The following MYOM1 variants were observed in gnomAD, a reference collection of about 807,000 sequenced individuals.
MYOM1 encodes the protein myomesin 1.
Under a neutral mutation model 205.3 loss-of-function variants are expected in MYOM1, and 164 were observed. The ratio of observed to expected loss-of-function variants is 0.80; its 90% CI spans 0.70 to 0.91. The LOEUF (loss-of-function observed/expected upper bound fraction) is 0.91. MYOM1 is among the 40% of genes least tolerant of loss of function. The pLI is 0.00. For missense variants in MYOM1, 2,011 were observed against 2,127.3 expected (o/e 0.95, Z 1.08); for synonymous variants, 772 against 789.4 (o/e 0.98, Z 0.37).
At chr18:3,086,283 G>A in intron 29 of MYOM1, 132 bp from the exon 30 acceptor site, 1 of 482,470 alleles carries the variant, frequency 2.1e-6, no homozygotes. Context: ...GATTTCTAAA[G>A]GAATGAATTG....
At chr18:3,125,336 C>T (rs1440010828) in intron 19 of MYOM1, among the ~76,000 whole-genome samples, 2 of 151,810 alleles carry the variant, frequency 1.3e-5, no homozygotes. Context: ...CAAAAATACC[C>T]AAATAGCAAT....
At chr18:3,201,121 G>A (rs551760592) in intron 2 of MYOM1, among the ~76,000 whole-genome samples, 31 of 152,260 alleles carry the variant, frequency 2.0e-4, no homozygotes, top group Admixed American at 3.3e-4. Flanking sequence ...ATATCTGGCC[G>A]GGCGCAGTGG....
intron 22 of MYOM1, among the ~76,000 whole-genome samples, chr18:3,104,276 G>A (rs1344201836): frequency 6.6e-6 from 1 of 152,200 alleles, no homozygotes; most frequent in African/African-American, 2.4e-5. Flanking sequence ...CAGAAAGAAT[G>A]TAAACAGAAA....
Position 3,116,504 on chromosome 18 carries a change from T to A in MYOM1, c.3130A>T (p.Ser1044Cys). The change falls in exon 21 of 38, where the codon AGT becomes TGT. Residue 1044 changes from serine (S) to cysteine (C), a missense_variant. Ser to Cys is a moderately radical substitution (Grantham distance 112, BLOSUM62 -1). Transcript: ENST00000356443. Reference sequence around the variant, plus strand: ...TTCCTGACTTCACTACACTTGAGACTGTGCGGTGGTCCTGAGAGAGAGAGA... The same window carrying A: ...TTCCTGACTTCACTACACTTGAGACAGTGCGGTGGTCCTGAGAGAGAGAGA... ...WTIAVPGPPH[S>C]LKCSEVRKDS... 1 of 1,554,590 alleles carries A rather than the reference T, an allele frequency of 6.4e-7. No individual in the cohort carries two copies. Among genetic ancestry groups the A allele is most frequent in the Non-Finnish European group, 8.7e-7 (1 of 1,147,798 alleles).
At chr18:3,183,434 T>C (rs1362158949) in intron 5 of MYOM1, among the ~76,000 whole-genome samples, 2 of 152,180 alleles carry the variant, frequency 1.3e-5, no homozygotes, top group African/African-American at 4.8e-5. Flanking sequence ...GGAGAGCGGC[T>C]GCTGAGTGCT....
chr18:3,143,779 T>C (rs910160894), intron 13 of MYOM1, among the ~76,000 whole-genome samples: 6 of 151,104 alleles, frequency 4.0e-5, no homozygotes, highest in South Asian at 4.2e-4. Flanking sequence ...TGTGTACCTA[T>C]AGCCCCAGCT....
chr18:3,236,033 G>T, the MYOM1 span, among the ~76,000 whole-genome samples: 1 of 152,204 alleles, frequency 6.6e-6, no homozygotes, highest in South Asian at 2.1e-4. Context: ...CAGGAAGTAG[G>T]AGAAGAGGGT....
chr18:3,148,860 A>G (rs964782544), intron 13 of MYOM1, among the ~76,000 whole-genome samples: 19 of 148,866 alleles, frequency 1.3e-4, no homozygotes, highest in Non-Finnish European at 2.2e-4. Context: ...AAAAAAAAAA[A>G]AAAAAAAAAA....
intron 33 of MYOM1, among the ~76,000 whole-genome samples, chr18:3,082,485 GC>G (rs952049671): frequency 1.3e-5 from 2 of 152,094 alleles, no homozygotes; most frequent in African/African-American, 4.8e-5. Flanking sequence ...TTTGAGCAGT[GC>G]CCCCCATATT....
intron 8 of MYOM1, 92 bp downstream of exon 8, chr18:3,173,846 T>C: frequency 9.2e-7 from 1 of 1,089,428 alleles, no homozygotes; most frequent in Non-Finnish European, 1.4e-6. Context: ...CTATGTTATA[T>C]ATAGTATGCA....
chr18:3,233,411 G>A, the MYOM1 span, among the ~76,000 whole-genome samples: 4 of 152,232 alleles, frequency 2.6e-5, no homozygotes, highest in Non-Finnish European at 4.4e-5. Context: ...AGTACAAACA[G>A]AGTAAGTTAC....
intron 5 of MYOM1, among the ~76,000 whole-genome samples, chr18:3,181,337 T>C (rs2080727915): frequency 6.6e-6 from 1 of 151,844 alleles, no homozygotes; most frequent in South Asian, 2.1e-4. Context: ...CTGAGAGAGA[T>C]TGAGAGAGAG....
the MYOM1 span, among the ~76,000 whole-genome samples, chr18:3,225,376 G>A: frequency 6.6e-6 from 1 of 152,160 alleles, no homozygotes; most frequent in African/African-American, 2.4e-5. Context: ...TTGCCCATCT[G>A]AACCTTCTTC....
In MYOM1 at chr18:3,135,547, C is replaced by T. The variant is rs768505572; in HGVS notation, c.2209G>A (p.Asp737Asn). ...TEVTVVGDKL[D>N]IPKAPGKIIP... ...GTAAAAGAAGTTTACAGTTGCTTAC[C>T]AAGTTTGTCCCCTACCACAGTCACC... is the stretch of plus-strand genomic sequence containing the variant. The change falls in exon 15 of 38, where the codon GAT becomes AAT. Residue 737 changes from aspartate (D) to asparagine (N), a missense_variant and splice_region_variant. Coordinates refer to ENST00000356443, the MANE Select transcript of MYOM1 (RefSeq NM_003803.4). This position sits in a 1 kb window ranked among gnomAD's most constrained non-coding sequence, Gnocchi z 4.1. 1 of 1,610,552 alleles carries T rather than the reference C, an allele frequency of 6.2e-7. No individual in the cohort carries two copies. Among genetic ancestry groups the T allele is most frequent in the South Asian group, 1.1e-5 (1 of 90,610 alleles).
intron 2 of MYOM1, among the ~76,000 whole-genome samples, chr18:3,199,685 C>CAA (rs1366567415): frequency 6.6e-6 from 1 of 152,118 alleles, no homozygotes; most frequent in Non-Finnish European, 1.5e-5. Context: ...ACTAAAAATA[C>CAA]AAAAATTAGC....
intron 23 of MYOM1, 126 bp from the exon 24 acceptor site, chr18:3,100,552 G>C (rs970882918): frequency 5.8e-6 from 4 of 689,176 alleles, no homozygotes; most frequent in African/African-American, 3.6e-5. Flanking sequence ...ATCTTGCTGA[G>C]CTACAGCCTA....
chr18:3,146,657 T>C (rs1226201350), intron 13 of MYOM1, among the ~76,000 whole-genome samples: 1 of 152,212 alleles, frequency 6.6e-6, no homozygotes. Flanking sequence ...CTACACTTAA[T>C]GTTAGACTTA....
At chr18:3,157,548 G>A (rs568301591) in intron 10 of MYOM1, among the ~76,000 whole-genome samples, 2 of 151,734 alleles carry the variant, frequency 1.3e-5, no homozygotes, top group East Asian at 1.9e-4. Flanking sequence ...GTGGTAGTGC[G>A]GGCCTATGTT....
chr18:3,089,113 C>T (rs1305663883), intron 29 of MYOM1, 61 bp downstream of exon 29: 3 of 1,285,324 alleles, frequency 2.3e-6, no homozygotes, highest in Non-Finnish European at 3.3e-6. Flanking sequence ...TGAGCTTCCT[C>T]TTCTCTACAT....
Sources: gnomAD v4.1 joint callset for allele counts (sites outside exome capture counted in the v4.1 genomes callset) on GRCh38, gnomAD v4.1.1 for gene constraint, Gnocchi (gnomAD v3.1) non-coding constraint, MANE v1.5 for transcripts, NCBI Gene and HGNC (gene_info 2026-07-23, HGNC 2026-07-21) for gene names.